The following ENTREP2 variants were observed in gnomAD, a reference collection of about 807,000 sequenced individuals.
The protein encoded by ENTREP2 is protein ENTREP2.
At chr15:29,259,599 T>C in the ENTREP2 span, among the ~76,000 whole-genome samples, 3 of 152,116 alleles carry the variant, frequency 2.0e-5, no homozygotes, top group Non-Finnish European at 4.4e-5. Flanking sequence ...TTTCCACTTT[T>C]GGTAATTTTT....
chr15:29,330,444 G>C, the ENTREP2 span, among the ~76,000 whole-genome samples: 1 of 151,972 alleles, frequency 6.6e-6, no homozygotes, highest in East Asian at 1.9e-4. Context: ...GCGAGACTCT[G>C]TCTCAAAAAA....
the ENTREP2 span, among the ~76,000 whole-genome samples, chr15:29,280,279 CCT>C: frequency 6.6e-6 from 1 of 152,194 alleles, no homozygotes; most frequent in Admixed American, 6.5e-5. Flanking sequence ...TCTCTGGCCC[CCT>C]GAGTGAGGAG....
chr15:29,611,178 C>A, the ENTREP2 span: 11 of 152,156 alleles, frequency 7.2e-5, no homozygotes, highest in Non-Finnish European at 1.5e-4. Context: ...TCTGTGCTTT[C>A]TTGTCTAAAC....
At chr15:29,275,181 C>T in the ENTREP2 span, among the ~76,000 whole-genome samples, 1 of 152,182 alleles carries the variant, frequency 6.6e-6, no homozygotes, top group Admixed American at 6.5e-5. Flanking sequence ...TTCTGCCATC[C>T]TTCAGTAGAA....
the ENTREP2 span, among the ~76,000 whole-genome samples, chr15:29,149,584 C>G: frequency 6.6e-6 from 1 of 152,218 alleles, no homozygotes; most frequent in Non-Finnish European, 1.5e-5. Flanking sequence ...CACAGATGAG[C>G]GGACTCATCC....
At chr15:29,258,740 C>T in the ENTREP2 span, among the ~76,000 whole-genome samples, 1 of 152,138 alleles carries the variant, frequency 6.6e-6, no homozygotes, top group Non-Finnish European at 1.5e-5. Flanking sequence ...CATTCCTTAT[C>T]CTCCCTCCTC....
the ENTREP2 span, among the ~76,000 whole-genome samples, chr15:29,412,993 G>C: frequency 6.6e-6 from 1 of 151,690 alleles, no homozygotes; most frequent in Non-Finnish European, 1.5e-5. Context: ...AGGTACCTAA[G>C]GCTATTCATT....
chr15:29,207,992 C>T, the ENTREP2 span, among the ~76,000 whole-genome samples: 3 of 152,178 alleles, frequency 2.0e-5, no homozygotes, highest in Non-Finnish European at 4.4e-5. Flanking sequence ...GGGACACAAA[C>T]CCCCACGCTG....
chr15:29,595,171 T>C, the ENTREP2 span, among the ~76,000 whole-genome samples: 1 of 151,606 alleles, frequency 6.6e-6, no homozygotes, highest in South Asian at 2.1e-4. Flanking sequence ...GAGAATCTCT[T>C]GAACCTGGGA....
the ENTREP2 span, among the ~76,000 whole-genome samples, chr15:29,224,120 A>G: frequency 1.3e-5 from 2 of 152,014 alleles, no homozygotes; most frequent in Non-Finnish European, 2.9e-5. Flanking sequence ...ATGCGTTCAC[A>G]GTTTCTTCCT....
the ENTREP2 span, among the ~76,000 whole-genome samples, chr15:29,472,350 C>T: frequency 8.6e-5 from 13 of 151,310 alleles, no homozygotes; most frequent in Non-Finnish European, 2.9e-5. Flanking sequence ...AAAATGGCAT[C>T]ATGATGAACT....
the ENTREP2 span, among the ~76,000 whole-genome samples, chr15:29,538,211 T>C: frequency 6.6e-6 from 1 of 152,090 alleles, no homozygotes; most frequent in Non-Finnish European, 1.5e-5. Flanking sequence ...TGGGTGACTA[T>C]GCATGTGGTT....
At chr15:29,312,336 A>T in the ENTREP2 span, among the ~76,000 whole-genome samples, 1 of 97,402 alleles carries the variant, frequency 1.0e-5, no homozygotes, top group East Asian at 3.0e-4. Context: ...ACAAGCACCA[A>T]AAAAAAAAAA....
chr15:29,447,231 C>A, the ENTREP2 span, among the ~76,000 whole-genome samples: 1 of 152,186 alleles, frequency 6.6e-6, no homozygotes, highest in African/African-American at 2.4e-5. Context: ...AAAGTCCAAC[C>A]TTTAAAGCAC....
At chr15:29,139,915 G>A in the ENTREP2 span, among the ~76,000 whole-genome samples, 1 of 152,186 alleles carries the variant, frequency 6.6e-6, no homozygotes, top group Admixed American at 6.5e-5. Context: ...TGCTCTGCAG[G>A]CTGGGGCTGG....
chr15:29,395,064 A>G, the ENTREP2 span, among the ~76,000 whole-genome samples: 1 of 98,860 alleles, frequency 1.0e-5, no homozygotes, highest in Non-Finnish European at 2.6e-5. Flanking sequence ...TTTTTTTTGT[A>G]TTTTTAGTAG....
the ENTREP2 span, among the ~76,000 whole-genome samples, chr15:29,335,562 G>A: frequency 6.6e-6 from 1 of 152,300 alleles, no homozygotes; most frequent in East Asian, 1.9e-4. Flanking sequence ...GGTCATTTAT[G>A]GGTTTCACAG....
the ENTREP2 span, among the ~76,000 whole-genome samples, chr15:29,139,598 A>G: frequency 6.7e-4 from 102 of 152,344 alleles, no homozygotes; most frequent in African/African-American, 2.3e-3. Context: ...GAGAACAAGC[A>G]TTTGAGGAGG....
chr15:29,400,010 A>G, the ENTREP2 span, among the ~76,000 whole-genome samples: 1 of 152,168 alleles, frequency 6.6e-6, no homozygotes, highest in Non-Finnish European at 1.5e-5. Flanking sequence ...GTTTAAACGC[A>G]TGTTGTTCAA....
Sources: gnomAD v4.1 joint callset for allele counts (sites outside exome capture counted in the v4.1 genomes callset) on GRCh38, gnomAD v4.1.1 for gene constraint, MANE v1.5 for transcripts, NCBI Gene and HGNC (gene_info 2026-07-23, HGNC 2026-07-21) for gene names.